Variants in ZNF408 observed in about 807,000 individuals in gnomAD.
ZNF408 encodes PR domain zinc finger protein 17.
ZNF408 carries 24 observed loss-of-function variants against 27.6 expected under a neutral mutation model. That is an observed-to-expected ratio of 0.87 (90% confidence interval 0.63 to 1.22). The LOEUF (loss-of-function observed/expected upper bound fraction) is 1.22, where lower values mean the gene tolerates loss of function less well. Ranked by LOEUF, ZNF408 falls within the 50% of genes most tolerant of loss-of-function variation. ZNF408 has a pLI of 0.00. For missense variants in ZNF408, 897 were observed against 949.0 expected (o/e 0.95, Z 0.72); for synonymous variants, 410 against 396.1 (o/e 1.04, Z -0.42).
chr11:46,701,623 G>A lies in ZNF408; in HGVS notation c.277G>A (p.Glu93Lys), dbSNP rs1345059642. The change falls in exon 2 of 5, where the codon GAG (glutamate) becomes AAG (lysine). Residue 93 changes from glutamate to lysine, a missense_variant. Transcript: ENST00000311764. Reference protein sequence around the residue: ...QPGLLWGPLEEESASKEKGEG... With the variant: ...QPGLLWGPLEKESASKEKGEG... ...CGGCCTGCTGTGGGGGCCGCTGGAA[G>A]AGGAGTCTGCCTCCAAGGAGAAGGG... The A allele has an allele frequency of 6.2e-7, 1 of 1,607,598 alleles. No individual in the cohort carries two copies. The highest frequency in any genetic ancestry group is 1.7e-5 in the Admixed American group (1 of 59,722).
In ZNF408 at chr11:46,705,867, C is replaced by T; in HGVS notation, c.*4C>T. 5.6e-6 allele frequency: 9 copies of T among 1,608,334 alleles called. No homozygotes were observed. Among genetic ancestry groups the T allele is most frequent in the Non-Finnish European group, 7.6e-6 (9 of 1,177,332 alleles). On this transcript the variant is annotated 3_prime_UTR_variant, in exon 5 of 5. Coordinates refer to ENST00000311764, the MANE Select transcript of ZNF408 (RefSeq NM_024741.3). This position sits in a 1 kb window ranked among gnomAD's most constrained non-coding sequence, Gnocchi z 6.5. ...GGAGGTGGAGATGGGCACCTGACAG[C>T]TTTGCCTTTTGCTGACACAGCTCCA...
Position 46,705,157 on chromosome 11 carries a change from ATATG to A in ZNF408, c.1458_1461del (p.His486GlnfsTer214). ...GCCAACCAGGGCTCCCTGCGGAACC[ATATG>A]AGGCTCCATACAGGAGAAAAGCCTT... is the stretch of plus-strand genomic sequence containing the variant. On this transcript the variant is annotated frameshift_variant, in exon 5 of 5. Transcript: ENST00000311764. LOFTEE classifies it low-confidence loss of function (END_TRUNC). This position sits in a 1 kb window ranked among gnomAD's most constrained non-coding sequence, Gnocchi z 6.5. The A allele has an allele frequency of 6.2e-7, 1 of 1,611,478 alleles. No individual in the cohort carries two copies.
Position 46,705,792 on chromosome 11 carries a change from C to G in ZNF408, c.2092C>G (p.Leu698Val). The change falls in exon 5 of 5, where the codon CTG becomes GTG. Residue 698 changes from leucine (L) to valine (V), a missense_variant. Leu to Val is a conservative substitution (Grantham distance 32, BLOSUM62 1). Coordinates refer to ENST00000311764, the MANE Select transcript of ZNF408 (RefSeq NM_024741.3). The surrounding 1 kb of genome is among the most constrained non-coding windows in gnomAD (Gnocchi z 6.5). ...AGAGGAGCCAGATGCCGCCCCCAGCCTGGTGCTAATCCATAAGGACATGGG... is the reference window on the plus strand; with the variant it reads ...AGAGGAGCCAGATGCCGCCCCCAGCGTGGTGCTAATCCATAAGGACATGGG... ...VPEEPDAAPS[L>V]VLIHKDMGLG... The G allele has an allele frequency of 6.2e-7, 1 of 1,611,746 alleles. No individual in the cohort carries two copies. The highest frequency in any genetic ancestry group is 1.3e-5 in the African/African-American group (1 of 75,056).
At chr11:46,702,622 G>GA (rs2064718018) in intron 2 of ZNF408, 82 bp from the exon 3 acceptor site, 1 of 1,424,974 alleles carries the variant, frequency 7.0e-7, no homozygotes, top group East Asian at 2.3e-5. Context: ...TTTGTCCCAG[G>GA]AAAGTTTCAT....
In ZNF408 at chr11:46,705,105, C is replaced by G; in HGVS notation, c.1405C>G (p.Pro469Ala). 6.2e-7 allele frequency: 1 copy of G among 1,612,164 alleles called. No homozygotes were observed. Among genetic ancestry groups the G allele is most frequent in the Non-Finnish European group, 8.5e-7 (1 of 1,179,942 alleles). The part of the protein sequence containing the change: ...HQVPAAPAPC[P>A]CPVCGRPLAN... ...GGTGCCAGCTGCCCCTGCCCCTTGC[C>G]CATGCCCTGTGTGTGGGCGGCCCCT... The change falls in exon 5 of 5, where the codon CCA becomes GCA. Residue 469 changes from proline to alanine, a missense_variant. Pro to Ala is a conservative substitution (Grantham distance 27). Coordinates refer to ENST00000311764, the MANE Select transcript of ZNF408 (RefSeq NM_024741.3). The surrounding 1 kb of genome is among the most constrained non-coding windows in gnomAD (Gnocchi z 6.5).
Position 46,703,773 on chromosome 11 carries a change from T to TTG in ZNF408, c.652+531_652+532insGT, listed in dbSNP as rs2064729600. On this transcript the variant is annotated intron_variant, in intron 4 of 4. Transcript: ENST00000311764. ...TGTTGTTGTTGTTGTTGTTGTTGTTTTTTTTTTTTTTTGAGATGGAGTCTC... is the reference window on the plus strand; with the variant it reads ...TGTTGTTGTTGTTGTTGTTGTTGTTTTGTTTTTTTTTTTTGAGATGGAGTCTC... 5.7e-5 allele frequency among the ~76,000 whole-genome samples: 8 copies of TTG among 140,984 alleles called. 1 individual carries two copies. The highest frequency in any genetic ancestry group is 5.6e-4 in the Admixed American group (8 of 14,330). The allele number at this position is 140,984 out of a possible 152,430, so 92.5% of individuals were successfully genotyped here.
rs749840871 is a variant in ZNF408 at position 46,705,229 on chromosome 11, A to G, written c.1529A>G (p.Asn510Ser). ...GGCCGGGCGTTTCGTCAGCGGGGCA[A>G]CCTGCGTGGGCATTTGCGGCTCCAC... ...HCGRAFRQRG[N>S]LRGHLRLHTG... Residue 510 changes from asparagine (N) to serine (S), a missense_variant, in exon 5 of 5, where the codon AAC (asparagine) becomes AGC (serine). Transcript: ENST00000311764. This position sits in a 1 kb window ranked among gnomAD's most constrained non-coding sequence, Gnocchi z 6.5. 6 of 1,612,074 alleles carry G rather than the reference A, an allele frequency of 3.7e-6. No individual in the cohort carries two copies. The highest frequency in any genetic ancestry group is 2.2e-5 in the South Asian group (2 of 91,064).
In ZNF408 at chr11:46,704,341, C is replaced by G. The variant is rs201693715; in HGVS notation, c.653-12C>G. On this transcript the variant is annotated splice_polypyrimidine_tract_variant and intron_variant, in intron 4 of 4. Transcript: ENST00000311764. The stretch of plus-strand genomic sequence containing the variant: ...AGCTCCCTAAACCCAGTACCCCATC[C>G]TTGCCTTGCAGATCCTGGTTCCCAG... 2 of 1,573,454 alleles carry G rather than the reference C, an allele frequency of 1.3e-6. No individual in the cohort carries two copies. The highest frequency in any genetic ancestry group is 1.7e-6 in the Non-Finnish European group (2 of 1,159,146).
chr11:46,703,131 C>G lies in ZNF408; in HGVS notation c.540C>G (p.Leu180=). Residue 180 remains leucine (L), a synonymous_variant, in exon 4 of 5, where the codon CTC becomes CTG. Coordinates refer to ENST00000311764, the MANE Select transcript of ZNF408 (RefSeq NM_024741.3). ...AGCCTTCCTCTGAGGGCCCAAGTCT[C>G]ACCCAGCCTGGGCTGGACAAAGAGG... ...WPQPSSEGPS[L]TQPGLDKEAA... is the part of the protein sequence containing the mutation. The G allele has an allele frequency of 6.2e-7, 1 of 1,612,114 alleles. No homozygotes were observed. Among genetic ancestry groups the G allele is most frequent in the Non-Finnish European group, 8.5e-7 (1 of 1,179,356 alleles).
rs147829946 is a variant in ZNF408, at chr11:46,705,247, G to A, written c.1547G>A (p.Arg516Gln). Residue 516 changes from arginine (R) to glutamine (Q), a missense_variant, in exon 5 of 5, where the codon CGG (arginine) becomes CAG (glutamine). Transcript: ENST00000311764. The surrounding 1 kb of genome is among the most constrained non-coding windows in gnomAD (Gnocchi z 6.5). ...CGGGGCAACCTGCGTGGGCATTTGC[G>A]GCTCCACACCGGGGAGCGTCCTTAC... ...RQRGNLRGHL[R>Q]LHTGERPYRC... 1.1e-5 allele frequency: 17 copies of A among 1,611,958 alleles called. No individual in the cohort carries two copies. The highest frequency in any genetic ancestry group is 3.3e-5 in the South Asian group (3 of 91,066).
In ZNF408 at chr11:46,705,202, G is replaced by A; in HGVS notation, c.1502G>A (p.Cys501Tyr). The change falls in exon 5 of 5, where the codon TGT becomes TAT. Residue 501 changes from cysteine to tyrosine, a missense_variant. Transcript: ENST00000311764. The surrounding 1 kb of genome is among the most constrained non-coding windows in gnomAD (Gnocchi z 6.5). ...TGEKPFLCPH[C>Y]GRAFRQRGNL... is the part of the protein sequence containing the mutation. Reference sequence around the variant, plus strand: ...GAAAAGCCTTTCCTGTGCCCGCACTGTGGCCGGGCGTTTCGTCAGCGGGGC... The same window carrying A: ...GAAAAGCCTTTCCTGTGCCCGCACTATGGCCGGGCGTTTCGTCAGCGGGGC... 1 of 1,611,764 alleles carries A rather than the reference G, an allele frequency of 6.2e-7. No individual in the cohort carries two copies. Among genetic ancestry groups the A allele is most frequent in the African/African-American group, 1.3e-5 (1 of 75,068 alleles).
chr11:46,704,978 G>T lies in ZNF408; in HGVS notation c.1278G>T (p.Glu426Asp). 6.2e-7 allele frequency: 1 copy of T among 1,613,578 alleles called. No homozygotes were observed. Among genetic ancestry groups the T allele is most frequent in the Non-Finnish European group, 8.5e-7 (1 of 1,180,036 alleles). ...ATGGCACCCAGCGAGACCTCAAAGA[G>T]CACCAGGTGGTACATTCAGGTGCCC... ...KAYGTQRDLKEHQVVHSGARP... is the reference protein window; with the variant it reads ...KAYGTQRDLKDHQVVHSGARP... The change falls in exon 5 of 5, where the codon GAG becomes GAT. Residue 426 changes from glutamate to aspartate, a missense_variant. Physicochemically the swap from Glu to Asp is conservative, Grantham distance 45. Transcript: ENST00000311764.
Position 46,704,413 on chromosome 11 carries a change from A to G in ZNF408, c.713A>G (p.Lys238Arg). Residue 238 changes from lysine to arginine, a missense_variant, in exon 5 of 5, where the codon AAG becomes AGG. Coordinates refer to ENST00000311764, the MANE Select transcript of ZNF408 (RefSeq NM_024741.3). ...QAENMVSPGL[K>R]FPTQDRISKD... is the part of the protein sequence containing the mutation. ...GAGAATATGGTGAGCCCTGGACTTA[A>G]GTTCCCAACCCAGGACCGAATTTCC... The G allele has an allele frequency of 6.2e-7, 1 of 1,613,748 alleles. No homozygotes were observed. The highest frequency in any genetic ancestry group is 8.5e-7 in the Non-Finnish European group (1 of 1,179,794).
rs780996742 is a variant in ZNF408 at position 46,705,821 on chromosome 11, C to T, written c.2121C>T (p.Leu707=). Residue 707 remains leucine (L), a synonymous_variant, in exon 5 of 5, where the codon CTC becomes CTT. Coordinates refer to ENST00000311764, the MANE Select transcript of ZNF408 (RefSeq NM_024741.3). This position sits in a 1 kb window ranked among gnomAD's most constrained non-coding sequence, Gnocchi z 6.5. ...TGCTAATCCATAAGGACATGGGCCT[C>T]GGCGCCTGGGCAGAGGTGGTGGAGG... ...SLVLIHKDMG[L]GAWAEVVEVE... is the part of the protein sequence containing the mutation. The T allele has an allele frequency of 9.3e-6, 15 of 1,612,472 alleles. No individual in the cohort carries two copies. The highest frequency in any genetic ancestry group is 1.6e-4 in the Middle Eastern group (1 of 6,062).
Position 46,705,730 on chromosome 11 carries a change from C to T in ZNF408, c.2030C>T (p.Thr677Ile). 6.2e-7 allele frequency: 1 copy of T among 1,612,628 alleles called. No homozygotes were observed. The highest frequency in any genetic ancestry group is 1.7e-5 in the Admixed American group (1 of 59,676). The change falls in exon 5 of 5, where the codon ACC becomes ATC. Residue 677 changes from threonine (T) to isoleucine (I), a missense_variant. Thr to Ile is a moderately conservative substitution (Grantham distance 89). Transcript: ENST00000311764. This position sits in a 1 kb window ranked among gnomAD's most constrained non-coding sequence, Gnocchi z 6.5. ...CCCGCCAGGGATGTTGTTGAGGTCA[C>T]CATTTCAGAAAGCCAGGAGAAGTGC... is the stretch of plus-strand genomic sequence containing the variant. ...VSPARDVVEV[T>I]ISESQEKCFV...
rs2064749413 is a variant in ZNF408, at chr11:46,705,876, T to G, written c.*13T>G. The G allele has an allele frequency of 1.2e-6, 2 of 1,606,224 alleles. No homozygotes were observed. The highest frequency in any genetic ancestry group is 1.7e-6 in the Non-Finnish European group (2 of 1,176,392). ...GATGGGCACCTGACAGCTTTGCCTT[T>G]TGCTGACACAGCTCCATAAAGACTC... is the stretch of plus-strand genomic sequence containing the variant. On this transcript the variant is annotated 3_prime_UTR_variant, in exon 5 of 5. Transcript: ENST00000311764. The surrounding 1 kb of genome is among the most constrained non-coding windows in gnomAD (Gnocchi z 6.5).
In ZNF408 at chr11:46,705,248, G is replaced by A; in HGVS notation, c.1548G>A (p.Arg516=). Residue 516 remains arginine, a synonymous_variant, in exon 5 of 5, where the codon CGG becomes CGA. Transcript: ENST00000311764. This position sits in a 1 kb window ranked among gnomAD's most constrained non-coding sequence, Gnocchi z 6.5. ...GGGGCAACCTGCGTGGGCATTTGCG[G>A]CTCCACACCGGGGAGCGTCCTTACC... The part of the protein sequence containing the change: ...RQRGNLRGHL[R]LHTGERPYRC... 6.2e-7 allele frequency: 1 copy of A among 1,611,934 alleles called. No homozygotes were observed. The highest frequency in any genetic ancestry group is 1.1e-5 in the South Asian group (1 of 91,056).
chr11:46,703,102 C>T lies in ZNF408; in HGVS notation c.511C>T (p.Pro171Ser), dbSNP rs1349555798. The change falls in exon 4 of 5, where the codon CCC (proline) becomes TCC (serine). Residue 171 changes from proline to serine, a missense_variant. Coordinates refer to ENST00000311764, the MANE Select transcript of ZNF408 (RefSeq NM_024741.3). ...VLPGSELLLW[P>S]QPSSEGPSLT... is the part of the protein sequence containing the mutation. ...GCCAGGCTCTGAACTGCTGCTGTGG[C>T]CCCAGCCTTCCTCTGAGGGCCCAAG... 1.2e-6 allele frequency: 2 copies of T among 1,612,414 alleles called. No homozygotes were observed. The highest frequency in any genetic ancestry group is 1.3e-5 in the African/African-American group (1 of 74,892).
chr11:46,703,785 T>TGG (rs1329245603), intron 4 of ZNF408, among the ~76,000 whole-genome samples: 1 of 145,382 alleles, frequency 6.9e-6, no homozygotes, highest in Non-Finnish European at 1.5e-5. Flanking sequence ...TTTTTTTTTT[T>TGG]GAGATGGAGT....
Sources: gnomAD v4.1 joint callset for allele counts (sites outside exome capture counted in the v4.1 genomes callset) on GRCh38, gnomAD v4.1.1 for gene constraint, Gnocchi (gnomAD v3.1) non-coding constraint, MANE v1.5 for transcripts, NCBI Gene and HGNC (gene_info 2026-07-23, HGNC 2026-07-21) for gene names.